MYO7A: variants seen among roughly 807,000 people sequenced by gnomAD.
MYO7A encodes unconventional myosin-VIIa.
Under a neutral mutation model 263.8 loss-of-function variants are expected in MYO7A, and 210 were observed. That is an observed-to-expected ratio of 0.80 (90% CI 0.71 to 0.89). MYO7A has a LOEUF of 0.89. Among genes scored for constraint, MYO7A ranks in the 40% least tolerant of loss-of-function variants. The pLI is 0.00. For synonymous variants in MYO7A, 1,239 were observed against 1,197.3 expected, an observed-to-expected ratio of 1.03 and a Z score of -0.72; for missense variants, 2,820 against 2,968.3, an observed-to-expected ratio of 0.95 and a Z score of 1.16.
At chr11:77,186,205 C>T (rs1314817261) in intron 27 of MYO7A, among the ~76,000 whole-genome samples, 2 of 152,128 alleles carry the variant, frequency 1.3e-5, no homozygotes, top group Admixed American at 6.5e-5. Context: ...CAGGTGTAAG[C>T]CCCTGCAGCC....
At chr11:77,195,398 C>T (rs1035449724) in intron 32 of MYO7A, among the ~76,000 whole-genome samples, 1 of 152,146 alleles carries the variant, frequency 6.6e-6, no homozygotes, top group Non-Finnish European at 1.5e-5. Flanking sequence ...TCCTCAGGCA[C>T]CTCCTCTCCC....
intron 36 of MYO7A, 73 bp downstream of exon 36, chr11:77,201,711 A>G: frequency 6.8e-7 from 1 of 1,476,236 alleles, no homozygotes; most frequent in Non-Finnish European, 9.3e-7. Context: ...CCACAGCTGT[A>G]CAATAGGTTA....
intron 32 of MYO7A, among the ~76,000 whole-genome samples, chr11:77,195,525 G>C (rs1269135752): frequency 2.0e-5 from 3 of 152,228 alleles, no homozygotes; most frequent in Non-Finnish European, 4.4e-5. Flanking sequence ...TGTGGCATAT[G>C]GTACGTCCTG....
intron 24 of MYO7A, 127 bp downstream of exon 24, chr11:77,182,281 T>A (rs888414691): frequency 6.9e-7 from 1 of 1,441,592 alleles, no homozygotes; most frequent in Non-Finnish European, 9.4e-7. Context: ...CAGGTCTGAC[T>A]ATAGTCTTCA....
intron 32 of MYO7A, among the ~76,000 whole-genome samples, chr11:77,195,305 G>C (rs749897106): frequency 3.3e-5 from 5 of 151,730 alleles, no homozygotes; most frequent in Non-Finnish European, 7.4e-5. Context: ...CCCGAGGCCC[G>C]AACCCCCCCG....
chr11:77,135,524 T>G (rs1033407414), intron 2 of MYO7A, among the ~76,000 whole-genome samples: 12 of 152,244 alleles, frequency 7.9e-5, no homozygotes, highest in Admixed American at 2.0e-4. Context: ...TAATACTGCT[T>G]TGAACATAGG....
At chr11:77,185,055 A>T in intron 27 of MYO7A, 1 of 431,166 alleles carries the variant, frequency 2.3e-6, no homozygotes, top group Admixed American at 3.5e-5. Context: ...TCTATGAAGT[A>T]TGAAATAGCA....
intron 27 of MYO7A, among the ~76,000 whole-genome samples, chr11:77,188,541 T>G (rs1421142795): frequency 6.6e-6 from 1 of 151,020 alleles, no homozygotes; most frequent in Non-Finnish European, 1.5e-5. Flanking sequence ...TGGCGGACAC[T>G]GCATCGTCAT....
In MYO7A at chr11:77,192,165, C is replaced by T. The variant is rs111534474; in HGVS notation, c.4039C>T (p.Arg1347Cys). 3.2e-5 allele frequency: 52 copies of T among 1,614,022 alleles called. No individual in the cohort carries two copies. Among genetic ancestry groups the T allele is most frequent in the Non-Finnish European group, 3.6e-5 (43 of 1,179,904 alleles). ...ERNAPWRLFF[R>C]KEVFTPWHSP... Reference sequence around the variant, plus strand: ...CAACGCCCCCTGGAGGCTCTTCTTCCGCAAAGAGGTCTTCACGCCCTGGCA... The same window carrying T: ...CAACGCCCCCTGGAGGCTCTTCTTCTGCAAAGAGGTCTTCACGCCCTGGCA... The change falls in exon 31 of 49, where the codon CGC becomes TGC. Residue 1347 changes from arginine to cysteine, a missense_variant. Transcript: ENST00000409709.
intron 2 of MYO7A, among the ~76,000 whole-genome samples, chr11:77,133,256 A>AGTGGCGCACCTGT (rs558815324): frequency 3.9e-5 from 6 of 152,192 alleles, no homozygotes; most frequent in Non-Finnish European, 8.8e-5. Context: ...CCAGCTGACT[A>AGTGGCGCACCTGT]GTGGCGCACC....
rs387906700 is a variant in MYO7A at position 77,160,266 on chromosome 11, G to A, written c.1184G>A (p.Arg395His). The change falls in exon 11 of 49, where the codon CGC becomes CAC. Residue 395 changes from arginine (R) to histidine (H), a missense_variant. Arg to His is a conservative substitution (Grantham distance 29). Coordinates refer to ENST00000409709, the MANE Select transcript of MYO7A (RefSeq NM_000260.4). ...PLSREQALDV[R>H]DAFVKGIYGR... ...AGCAGGGAACAGGCACTGGACGTGCGCGACGCCTTCGTAAAGGTGGGCTGG... is the reference window on the plus strand; with the variant it reads ...AGCAGGGAACAGGCACTGGACGTGCACGACGCCTTCGTAAAGGTGGGCTGG... 9 of 1,567,920 alleles carry A rather than the reference G, an allele frequency of 5.7e-6. No homozygotes were observed. Among genetic ancestry groups the A allele is most frequent in the African/African-American group, 2.7e-5 (2 of 73,810 alleles).
At position 77,147,821 on chromosome 11, in the gene MYO7A, C is replaced by A; in HGVS notation, c.156C>A (p.Asn52Lys). 2 of 1,610,448 alleles carry A rather than the reference C, an allele frequency of 1.2e-6. No individual in the cohort carries two copies. The highest frequency in any genetic ancestry group is 1.3e-5 in the African/African-American group (1 of 74,984). Reference protein sequence around the residue: ...EDNEHWISPQNATHIKPMHPT... With the variant: ...EDNEHWISPQKATHIKPMHPT... ...AGGAACACTGGATCTCTCCGCAGAA[C>A]GCAACGCACATCAAGCCTATGCACC... is the stretch of plus-strand genomic sequence containing the variant. The change falls in exon 4 of 49, where the codon AAC becomes AAA. Residue 52 changes from asparagine to lysine, a missense_variant. Physicochemically the swap from Asn to Lys is moderately conservative, Grantham distance 94 (BLOSUM62 0). Transcript: ENST00000409709.
intron 33 of MYO7A, among the ~76,000 whole-genome samples, chr11:77,198,038 G>A (rs551523492): frequency 1.3e-5 from 2 of 152,372 alleles, no homozygotes; most frequent in South Asian, 2.1e-4. Flanking sequence ...GGCCAGCCCT[G>A]CTGGGCCGAC....
Position 77,182,409 on chromosome 11 carries a change from C to T in MYO7A, c.3109-15C>T, listed in dbSNP as rs369729874. ...GTCCTCCGCTCTGGCCTCTGACATGCGCGCTCTGCCCCAGGCAGCCCTGGC... is the reference window on the plus strand; with the variant it reads ...GTCCTCCGCTCTGGCCTCTGACATGTGCGCTCTGCCCCAGGCAGCCCTGGC... On this transcript the variant is annotated splice_polypyrimidine_tract_variant and intron_variant, in intron 24 of 48. Transcript: ENST00000409709. 3.8e-6 allele frequency: 6 copies of T among 1,594,782 alleles called. No individual in the cohort carries two copies. The highest frequency in any genetic ancestry group is 3.4e-5 in the Admixed American group (2 of 58,818).
At chr11:77,213,652 C>T (rs1031631732) in intron 47 of MYO7A, among the ~76,000 whole-genome samples, 3 of 152,128 alleles carry the variant, frequency 2.0e-5, no homozygotes, top group Non-Finnish European at 2.9e-5. Flanking sequence ...GCCCCAAGTA[C>T]CCAACAGCCT....
At chr11:77,130,753 A>G in intron 2 of MYO7A, 101 bp downstream of exon 2, 1 of 1,377,228 alleles carries the variant, frequency 7.3e-7, no homozygotes, top group Non-Finnish European at 1.0e-6. Context: ...GTTCTCTTGG[A>G]AAATTCCTGC....
rs1454991396 is a variant in MYO7A at position 77,194,422 on chromosome 11, G to A, written c.4221G>A (p.Glu1407=). Residue 1407 remains glutamate (E), a synonymous_variant, in exon 32 of 49, where the codon GAG becomes GAA. Coordinates refer to ENST00000409709, the MANE Select transcript of MYO7A (RefSeq NM_000260.4). ...ACTATGGCTCTGAGATGATCCTGGA[G>A]CGCCTCCTGAACCTCGTGCCCACCT... ...FVDYGSEMIL[E]RLLNLVPTYI... 1 of 1,612,416 alleles carries A rather than the reference G, an allele frequency of 6.2e-7. No homozygotes were observed. Among genetic ancestry groups the A allele is most frequent in the Admixed American group, 1.7e-5 (1 of 59,864 alleles).
chr11:77,147,600 A>C (rs1951661500), intron 3 of MYO7A, among the ~76,000 whole-genome samples, 198 bp from the exon 4 acceptor site: 2 of 152,004 alleles, frequency 1.3e-5, no homozygotes, highest in African/African-American at 2.4e-5. Flanking sequence ...TAAGAGAAGG[A>C]GCGGTCCTTG....
intron 14 of MYO7A, among the ~76,000 whole-genome samples, chr11:77,165,572 A>C (rs1406150969): frequency 6.6e-6 from 1 of 152,182 alleles, no homozygotes; most frequent in Admixed American, 6.5e-5. Flanking sequence ...GGGGCAGAGG[A>C]GGTAATCCCT....
Sources: gnomAD v4.1 joint callset for allele counts (sites outside exome capture counted in the v4.1 genomes callset) on GRCh38, gnomAD v4.1.1 for gene constraint, MANE v1.5 for transcripts, NCBI Gene and HGNC (gene_info 2026-07-23, HGNC 2026-07-21) for gene names.